ACTA2: variants seen among roughly 807,000 people sequenced by gnomAD.
The protein encoded by ACTA2 is actin, aortic smooth muscle.
ACTA2 carries 12 observed loss-of-function variants against 39.5 expected under a neutral mutation model. The ratio of observed to expected loss-of-function variants is 0.30; its 90% CI spans 0.19 to 0.49. The LOEUF is 0.49. Among genes scored for constraint, ACTA2 ranks in the 20% least tolerant of loss-of-function variants. ACTA2 has a pLI of 0.99. For synonymous variants in ACTA2, 158 were observed against 180.6 expected (o/e 0.88, Z 1.00); for missense variants, 236 against 498.8 (o/e 0.47, Z 5.02).
rs975945379 is a variant in ACTA2, at chr10:88,961,635, T to C, written c.-23-12682A>G. Among the ~76,000 whole-genome samples the C allele has an allele frequency of 2.0e-5, 3 of 151,992 alleles. No individual in the cohort carries two copies. In the East Asian group the frequency reaches 5.8e-4, roughly 30 times the overall value. ...CCCTCAGTGTAGAGATCCACAGTCC[T>C]GACTTTGCCATCAAGATGCTATTAT... On this transcript the variant is annotated intron_variant, in intron 1 of 4. Coordinates refer to the ACTA2 transcript ENST00000415557.
intron 1 of ACTA2, among the ~76,000 whole-genome samples, chr10:88,977,033 AT>A: frequency 6.6e-6 from 1 of 152,196 alleles, no homozygotes; most frequent in Non-Finnish European, 1.5e-5. Flanking sequence ...ATTTTCTGCT[AT>A]TTTGACATCT....
chr10:88,949,686 A>C (rs1042859779), intron 1 of ACTA2, among the ~76,000 whole-genome samples: 1 of 152,184 alleles, frequency 6.6e-6, no homozygotes, highest in Non-Finnish European at 1.5e-5. Context: ...TACTGCCATT[A>C]AAAAGGTAGA....
intron 1 of ACTA2, among the ~76,000 whole-genome samples, chr10:88,978,531 G>A (rs1025652130): frequency 6.6e-6 from 1 of 152,218 alleles, no homozygotes; most frequent in East Asian, 1.9e-4. Context: ...CATCACCCCT[G>A]CTCTGACCTG....
intron 8 of ACTA2, among the ~76,000 whole-genome samples, chr10:88,937,458 C>G (rs1175274716): frequency 6.6e-6 from 1 of 152,160 alleles, no homozygotes; most frequent in Admixed American, 6.5e-5. Context: ...TCCCCGAGTT[C>G]CCTTCACTAG....
upstream of ACTA2, among the ~76,000 whole-genome samples, chr10:88,954,780 G>T (rs1589404687): frequency 6.6e-6 from 1 of 151,986 alleles, no homozygotes; most frequent in East Asian, 1.9e-4. Flanking sequence ...CACTAACCAG[G>T]AAAGACTTAT....
intron 1 of ACTA2, among the ~76,000 whole-genome samples, chr10:88,983,308 C>T (rs1375846490): frequency 6.6e-6 from 1 of 151,850 alleles, no homozygotes; most frequent in Non-Finnish European, 1.5e-5. Context: ...CAATATGACC[C>T]GGAATTTAAG....
chr10:88,974,340 G>A (rs138654137), intron 1 of ACTA2: 6 of 151,956 alleles, frequency 3.9e-5, no homozygotes, highest in Non-Finnish European at 7.4e-5. Flanking sequence ...CAAAATAGAT[G>A]TCTAAAGATT....
intron 1 of ACTA2, among the ~76,000 whole-genome samples, chr10:88,970,029 A>G (rs1846397333): frequency 6.6e-6 from 1 of 152,200 alleles, no homozygotes; most frequent in Non-Finnish European, 1.5e-5. Flanking sequence ...ATGTAACCAC[A>G]CTGATAACTG....
intron 1 of ACTA2, among the ~76,000 whole-genome samples, chr10:88,977,897 GGGTATAT>G (rs1846608661): frequency 6.2e-5 from 5 of 80,414 alleles, no homozygotes; most frequent in African/African-American, 2.0e-4. Flanking sequence ...TCCCATTACT[GGGTATAT>G]ACCCAAAGGA....
chr10:88,973,478 T>C, intron 1 of ACTA2: 1 of 825,994 alleles, frequency 1.2e-6, no homozygotes, highest in Non-Finnish European at 1.7e-6. Context: ...TCATCTTGAT[T>C]ATCAGTTTCT....
In ACTA2 at chr10:88,943,809, C is replaced by T. The variant is rs756754618; in HGVS notation, c.357G>A (p.Glu119=). Residue 119 remains glutamate (E), a synonymous_variant, in exon 4 of 9, where the codon GAG becomes GAA. Coordinates refer to ENST00000224784, the MANE Select transcript of ACTA2 (RefSeq NM_001613.4). ...EAPLNPKANR[E]KMTQIMFETF... ...GTAGCATACTTACTTGAGTCATTTT[C>T]TCCCGGTTGGCCTTGGGGTTCAGGG... is the stretch of plus-strand genomic sequence containing the variant. 3.7e-6 allele frequency: 6 copies of T among 1,613,566 alleles called. No individual in the cohort carries two copies. The Admixed American group carries it at 5.0e-5, about 13-fold the overall frequency.
chr10:88,974,127 C>A (rs1846510900), intron 1 of ACTA2: 1 of 152,002 alleles, frequency 6.6e-6, no homozygotes, highest in African/African-American at 2.4e-5. Flanking sequence ...TACATAAATA[C>A]ATGTCTCCAG....
At chr10:88,991,336 G>A (rs781501653) in exon 1 of ACTA2, 11 of 327,814 alleles carry the variant, frequency 3.4e-5, no homozygotes, top group Admixed American at 9.3e-5. Flanking sequence ...CCAAGCCAAA[G>A]GTCCGCTCCG....
chr10:88,966,776 C>G (rs1053203171), intron 1 of ACTA2, among the ~76,000 whole-genome samples: 3 of 152,164 alleles, frequency 2.0e-5, no homozygotes, highest in Admixed American at 2.0e-4. Flanking sequence ...ACGTAACCTG[C>G]TCAAATGTTT....
chr10:88,950,832 T>C (rs74147448), intron 1 of ACTA2, among the ~76,000 whole-genome samples: 15,931 of 152,222 alleles, frequency 0.1, 2,020 homozygotes, highest in African/African-American at 0.3. Context: ...CTTATAGAGA[T>C]TGGGTTTTTT....
At chr10:88,939,282 C>T in intron 7 of ACTA2, 1 of 593,884 alleles carries the variant, frequency 1.7e-6, no homozygotes, top group Non-Finnish European at 3.0e-6. Flanking sequence ...ACCATGAATG[C>T]TTTGGGCTTA....
chr10:88,939,366 A>G (rs537980405), intron 7 of ACTA2, 141 bp downstream of exon 7: 1 of 1,099,424 alleles, frequency 9.1e-7, no homozygotes, highest in East Asian at 2.4e-5. Context: ...CGCCTTGAAA[A>G]TGTGGCACTT....
intron 1 of ACTA2, among the ~76,000 whole-genome samples, chr10:88,958,679 A>C (rs887497311): frequency 5.3e-5 from 8 of 152,320 alleles, no homozygotes; most frequent in African/African-American, 1.9e-4. Flanking sequence ...GCCTGGGCAC[A>C]CAGGACAATA....
At chr10:88,964,153 C>G (rs1156511608) in intron 1 of ACTA2, among the ~76,000 whole-genome samples, 2 of 151,788 alleles carry the variant, frequency 1.3e-5, no homozygotes, top group African/African-American at 4.8e-5. Context: ...TTTAGTTTCA[C>G]ATATTTTGCA....
Sources: allele counts gnomAD v4.1 joint callset (sites outside exome capture counted in the v4.1 genomes callset), GRCh38; gene constraint gnomAD v4.1.1; transcripts MANE v1.5; gene names NCBI Gene and HGNC (gene_info 2026-07-23, HGNC 2026-07-21).